GPCPD1: variants seen among roughly 807,000 people sequenced by gnomAD.
GPCPD1 encodes the protein glycerophosphocholine phosphodiesterase 1.
GPCPD1 carries 29 observed loss-of-function variants against 89.2 expected under a neutral mutation model. The ratio of observed to expected loss-of-function variants is 0.33; its 90% CI spans 0.24 to 0.44. GPCPD1 has a LOEUF of 0.44. Among genes scored for constraint, GPCPD1 ranks in the 20% least tolerant of loss-of-function variants. GPCPD1 has a pLI of 1.00. For missense variants in GPCPD1, 594 were observed against 808.9 expected (o/e 0.73, Z 3.22); for synonymous variants, 258 against 266.3 (o/e 0.97, Z 0.30).
chr20:5,602,626 T>C (rs1430133670), intron 2 of GPCPD1, among the ~76,000 whole-genome samples: 1 of 152,250 alleles, frequency 6.6e-6, no homozygotes, highest in South Asian at 2.1e-4. Flanking sequence ...AGATATACTA[T>C]GCCCCTGCTC....
chr20:5,599,829 A>G (rs1415563879), intron 2 of GPCPD1, among the ~76,000 whole-genome samples: 1 of 152,204 alleles, frequency 6.6e-6, no homozygotes, highest in East Asian at 1.9e-4. Context: ...CTGGGTTTAC[A>G]GGCATGAGCC....
intron 19 of GPCPD1, among the ~76,000 whole-genome samples, chr20:5,554,716 T>C (rs1985651831): frequency 1.3e-5 from 2 of 152,232 alleles, no homozygotes; most frequent in South Asian, 2.1e-4. Flanking sequence ...CTGCAGCCCA[T>C]GGATCAAGGA....
intron 6 of GPCPD1, among the ~76,000 whole-genome samples, chr20:5,582,475 T>C (rs1222306589): frequency 6.6e-6 from 1 of 152,170 alleles, no homozygotes; most frequent in Non-Finnish European, 1.5e-5. Context: ...GCCTGTTCTT[T>C]CCTGTGCTTA....
intron 7 of GPCPD1, among the ~76,000 whole-genome samples, chr20:5,579,225 C>A (rs1268622881): frequency 6.6e-6 from 1 of 151,948 alleles, no homozygotes; most frequent in Non-Finnish European, 1.5e-5. Flanking sequence ...ATATAATATT[C>A]AAAAATTTTT....
intron 6 of GPCPD1, among the ~76,000 whole-genome samples, chr20:5,583,291 C>T (rs1343775433): frequency 1.3e-5 from 2 of 150,038 alleles, no homozygotes; most frequent in Non-Finnish European, 3.0e-5. Context: ...CACCTGTAAT[C>T]CTAGCACTTT....
intron 3 of GPCPD1, among the ~76,000 whole-genome samples, chr20:5,596,464 A>G (rs531102783): frequency 2.0e-5 from 3 of 152,162 alleles, no homozygotes; most frequent in African/African-American, 4.8e-5. Flanking sequence ...TTAAATCAAA[A>G]CCAGGAAAGA....
rs1340684379 is a variant in GPCPD1 at position 5,547,699 on chromosome 20, C to T, written c.1981G>A (p.Val661Met). 3.1e-6 allele frequency: 5 copies of T among 1,609,664 alleles called. No homozygotes were observed. The South Asian group carries it at 4.4e-5, about 14-fold the overall frequency. Residue 661 changes from valine (V) to methionine (M), a missense_variant, in exon 20 of 20, where the codon GTG becomes ATG. Coordinates refer to ENST00000379019, the MANE Select transcript of GPCPD1 (RefSeq NM_019593.5). ...SSLCGESDIH[V>M]DANGIDNVEN... Reference sequence around the variant, plus strand: ...ACGTTATCAATGCCGTTGGCATCCACATGGATATCAGACTCCCCACACAAA... The same window carrying T: ...ACGTTATCAATGCCGTTGGCATCCATATGGATATCAGACTCCCCACACAAA...
chr20:5,546,172 A>G lies in GPCPD1; in HGVS notation c.*1489T>C, dbSNP rs1440418270. 1 of 152,210 alleles carries G rather than the reference A, an allele frequency of 6.6e-6. No homozygotes were observed. The highest frequency in any genetic ancestry group is 2.4e-5 in the African/African-American group (1 of 41,446). 9.4% of individuals were successfully genotyped at this position (152,210 alleles called of 1,614,324 possible). A position where few individuals can be genotyped will look rare whatever the true frequency, so the allele number is the denominator to read the frequency against. The stretch of plus-strand genomic sequence containing the variant: ...CCTAAACTATTTTGCATTAATATCA[A>G]CGTTACAAACGCAATACCATAGGAT... On this transcript the variant is annotated 3_prime_UTR_variant, in exon 20 of 20. Transcript: ENST00000379019.
intron 13 of GPCPD1, 73 bp from the exon 14 acceptor site, chr20:5,566,845 T>C (rs755762136): frequency 1.9e-5 from 18 of 944,718 alleles, no homozygotes; most frequent in Non-Finnish European, 3.1e-5. Context: ...ACAGAAAATA[T>C]CCTGAAAAAC....
chr20:5,596,729 CAG>C (rs1979756388), intron 3 of GPCPD1, among the ~76,000 whole-genome samples: 1 of 152,276 alleles, frequency 6.6e-6, no homozygotes, highest in African/African-American at 2.4e-5. Flanking sequence ...CCCTGAAAGA[CAG>C]GGGCACAGCA....
At chr20:5,554,149 T>C (rs1426927568) in intron 19 of GPCPD1, among the ~76,000 whole-genome samples, 2 of 132,610 alleles carry the variant, frequency 1.5e-5, no homozygotes, top group Admixed American at 7.4e-5. Context: ...TTATTATTAT[T>C]ATTATTTTGT....
intron 2 of GPCPD1, among the ~76,000 whole-genome samples, chr20:5,599,183 C>T (rs1427315794): frequency 6.6e-6 from 1 of 152,158 alleles, no homozygotes; most frequent in Non-Finnish European, 1.5e-5. Flanking sequence ...AAATGCCTAT[C>T]AGTACTCTAA....
intron 2 of GPCPD1, among the ~76,000 whole-genome samples, chr20:5,600,657 C>A (rs1053425063): frequency 6.6e-6 from 1 of 152,160 alleles, no homozygotes; most frequent in African/African-American, 2.4e-5. Flanking sequence ...CATAGTGAAA[C>A]CCCATCTCTA....
intron 6 of GPCPD1, among the ~76,000 whole-genome samples, chr20:5,581,887 A>C (rs1978526890): frequency 7.2e-6 from 1 of 139,232 alleles, no homozygotes; most frequent in Non-Finnish European, 1.5e-5. Context: ...CAGCTCAAGC[A>C]AAAACTACTA....
chr20:5,559,911 T>C (rs778180786), intron 17 of GPCPD1, 29 bp downstream of exon 17: 1 of 1,337,798 alleles, frequency 7.5e-7, no homozygotes, highest in Non-Finnish European at 1.0e-6. Flanking sequence ...ATTCTAAGAG[T>C]ATAGGAAAAA....
In GPCPD1 at chr20:5,580,034, C is replaced by A; in HGVS notation, c.447G>T (p.Lys149Asn). The A allele has an allele frequency of 6.5e-7, 1 of 1,534,726 alleles. No individual in the cohort carries two copies. ...TAAATCTAGATTTTTTTAATTTTTT[C>A]TTGGTTATTGACACAGGAGGTTTTT... ...YSEKPPVSIT[K>N]KKLKKSRFRV... Residue 149 changes from lysine (K) to asparagine (N), a missense_variant, in exon 7 of 20, where the codon AAG becomes AAT. Transcript: ENST00000379019.
rs558481749 is a variant in GPCPD1, at chr20:5,550,695, CAT to C, written c.1830-2847_1830-2846del. ...TTCTAAAATTCTAAAGTATTTCTAA[CAT>C]AGAGTTCTATACACAGCCATGATAT... is the stretch of plus-strand genomic sequence containing the variant. On this transcript the variant is annotated intron_variant, in intron 19 of 19. Coordinates refer to ENST00000379019, the MANE Select transcript of GPCPD1 (RefSeq NM_019593.5). Among the ~76,000 whole-genome samples the C allele has an allele frequency of 2.8e-4, 42 of 152,310 alleles. No homozygotes were observed. In the South Asian group the frequency reaches 6.4e-3, roughly 23 times the overall value.
chr20:5,581,814 C>CTT (rs11479995), intron 6 of GPCPD1, among the ~76,000 whole-genome samples: 3,151 of 74,686 alleles, frequency 0.042, 476 homozygotes, highest in Non-Finnish European at 0.048. Flanking sequence ...GGGACTTTAA[C>CTT]TTTTTTTTTT....
chr20:5,604,262 A>G (rs1328785972), intron 2 of GPCPD1, 102 bp downstream of exon 2: 1 of 690,558 alleles, frequency 1.4e-6, no homozygotes, highest in East Asian at 2.6e-5. Context: ...TTTCATCTAA[A>G]AAATCAGGCC....
Sources: gnomAD v4.1 joint callset for allele counts (sites outside exome capture counted in the v4.1 genomes callset) on GRCh38, gnomAD v4.1.1 for gene constraint, MANE v1.5 for transcripts, NCBI Gene and HGNC (gene_info 2026-07-23, HGNC 2026-07-21) for gene names.